Variants in NCALD observed in about 807,000 individuals in gnomAD.
The protein encoded by NCALD is neurocalcin-delta.
NCALD carries 10 observed loss-of-function variants against 18.6 expected under a neutral mutation model. The observed-to-expected ratio is 0.54, with a 90% confidence interval of 0.33 to 0.91. The LOEUF (loss-of-function observed/expected upper bound fraction) is 0.91. NCALD is among the 40% of genes least tolerant of loss of function. The pLI, the probability that NCALD is intolerant of heterozygous loss-of-function variation, is 0.03. For synonymous variants in NCALD, 88 were observed against 87.4 expected (o/e 1.01, Z -0.04); for missense variants, 184 against 247.6 (o/e 0.74, Z 1.72).
chr8:101,857,112 C>G lies in NCALD; in HGVS notation c.-20+30029G>C, dbSNP rs576607416. ...GATAATTCCAGAATTGCTTATGAAC[C>G]AAGCATTGCTACCATAAGGTTGTAT... On this transcript the variant is annotated intron_variant, in intron 4 of 6. Transcript: ENST00000311028. Among the ~76,000 whole-genome samples, 5 of 152,256 alleles carry G rather than the reference C, an allele frequency of 3.3e-5. No homozygotes were observed. The South Asian group carries it at 8.3e-4, about 25-fold the overall frequency.
chr8:101,898,740 G>T (rs1279873627), intron 3 of NCALD, among the ~76,000 whole-genome samples: 1 of 152,044 alleles, frequency 6.6e-6, no homozygotes, highest in Non-Finnish European at 1.5e-5. Flanking sequence ...TCTGTCCTAT[G>T]TATCACTCTC....
At chr8:101,895,313 AC>A (rs1455352521) in intron 3 of NCALD, among the ~76,000 whole-genome samples, 3 of 127,858 alleles carry the variant, frequency 2.3e-5, no homozygotes, top group African/African-American at 8.3e-5. Context: ...AAATTCAACA[AC>A]CCTTCATGCT....
At chr8:102,068,742 A>C (rs1824089665) in intron 1 of NCALD, among the ~76,000 whole-genome samples, 1 of 152,214 alleles carries the variant, frequency 6.6e-6, no homozygotes, top group Admixed American at 6.5e-5. Context: ...TTGAGGAAGA[A>C]CACAGTTATA....
intron 2 of NCALD, among the ~76,000 whole-genome samples, chr8:101,711,599 A>G (rs951189534): frequency 6.6e-6 from 1 of 151,954 alleles, no homozygotes; most frequent in African/African-American, 2.4e-5. Flanking sequence ...GCTGAAAAAG[A>G]CAGCACGAGA....
chr8:101,716,971 C>G (rs1317906773), intron 2 of NCALD, among the ~76,000 whole-genome samples: 2 of 152,144 alleles, frequency 1.3e-5, no homozygotes, highest in Non-Finnish European at 1.5e-5. Context: ...GGATTCTCCC[C>G]AACAGCCTCC....
intron 4 of NCALD, among the ~76,000 whole-genome samples, chr8:101,843,582 G>GTTTTTTTTTTTTTTTTTTTTTTTT (rs369393213): frequency 8.0e-6 from 1 of 125,138 alleles, no homozygotes; most frequent in Non-Finnish European, 1.6e-5. Context: ...TTTAAAAATT[G>GTTTTTTTTTTTTTTTTTTTTTTTT]TTTTTTTTTT....
chr8:101,938,285 AT>A (rs1321013275), intron 2 of NCALD, among the ~76,000 whole-genome samples: 1 of 152,194 alleles, frequency 6.6e-6, no homozygotes, highest in Non-Finnish European at 1.5e-5. Flanking sequence ...TTAAAAACTC[AT>A]TTTATGTGCT....
chr8:101,908,836 G>T (rs1281263580), intron 3 of NCALD, among the ~76,000 whole-genome samples: 4 of 152,130 alleles, frequency 2.6e-5, no homozygotes, highest in Non-Finnish European at 5.9e-5. Context: ...CAAAAATTTA[G>T]GGAAGGTCAT....
chr8:101,904,249 T>C (rs986225414), intron 3 of NCALD, among the ~76,000 whole-genome samples: 5 of 152,146 alleles, frequency 3.3e-5, no homozygotes, highest in African/African-American at 1.2e-4. Flanking sequence ...ATCAAATCTG[T>C]CCTGTGCAAT....
At chr8:101,999,957 G>C (rs187841943) in intron 2 of NCALD, among the ~76,000 whole-genome samples, 2 of 152,274 alleles carry the variant, frequency 1.3e-5, no homozygotes, top group South Asian at 2.1e-4. Flanking sequence ...CCCTGCATGA[G>C]CGACGCAGAA....
At chr8:101,721,673 T>C (rs1255091763) in intron 1 of NCALD, among the ~76,000 whole-genome samples, 1 of 152,138 alleles carries the variant, frequency 6.6e-6, no homozygotes, top group Admixed American at 6.5e-5. Flanking sequence ...ATGGTTCAGA[T>C]AATGACCAGC....
intron 2 of NCALD, among the ~76,000 whole-genome samples, chr8:101,716,494 AAAAT>A (rs1816093140): frequency 6.6e-6 from 1 of 152,222 alleles, no homozygotes; most frequent in East Asian, 1.9e-4. Flanking sequence ...AAATTATAAA[AAAAT>A]AAACACATGA....
At chr8:102,005,671 T>C (rs1821673720) in intron 2 of NCALD, among the ~76,000 whole-genome samples, 1 of 152,032 alleles carries the variant, frequency 6.6e-6, no homozygotes, top group African/African-American at 2.4e-5. Flanking sequence ...ATGTGGCACA[T>C]ATACACCATG....
intron 3 of NCALD, among the ~76,000 whole-genome samples, chr8:101,894,094 T>C (rs1323913241): frequency 8.2e-5 from 12 of 145,866 alleles, no homozygotes; most frequent in South Asian, 2.1e-4. Flanking sequence ...TATTCCAAAA[T>C]TGACCACATA....
rs183709041 is a variant in NCALD, at chr8:101,905,064, A to G, written c.-107+10745T>C. Reference sequence around the variant, plus strand: ...TTTATATTGCATGGAACATTCTTACACTAAAATTTTATTCTTTGTTGATCT... The same window carrying G: ...TTTATATTGCATGGAACATTCTTACGCTAAAATTTTATTCTTTGTTGATCT... On this transcript the variant is annotated intron_variant, in intron 3 of 6. Coordinates refer to the NCALD transcript ENST00000311028. Among the ~76,000 whole-genome samples the G allele has an allele frequency of 1.4e-3, 209 of 152,276 alleles. 2 individuals are homozygous for G. Among genetic ancestry groups the G allele is most frequent in the South Asian group, 6.0e-3 (29 of 4,814 alleles).
chr8:101,922,050 T>A (rs1818184887), intron 2 of NCALD, among the ~76,000 whole-genome samples: 1 of 151,906 alleles, frequency 6.6e-6, no homozygotes, highest in Non-Finnish European at 1.5e-5. Context: ...TTCAAGCAAT[T>A]CTCCTGCCTC....
At chr8:102,018,588 G>A (rs1822168741) in intron 2 of NCALD, among the ~76,000 whole-genome samples, 1 of 152,196 alleles carries the variant, frequency 6.6e-6, no homozygotes, top group Non-Finnish European at 1.5e-5. Context: ...GCTAGAGGTA[G>A]AGGGAGTAGA....
chr8:102,075,915 G>A (rs914881680), intron 1 of NCALD, among the ~76,000 whole-genome samples: 5 of 150,986 alleles, frequency 3.3e-5, no homozygotes, highest in African/African-American at 1.2e-4. Flanking sequence ...TTCCACCGTG[G>A]CACTCCAGCC....
chr8:101,985,862 T>C (rs991199752), intron 2 of NCALD, among the ~76,000 whole-genome samples: 3 of 152,194 alleles, frequency 2.0e-5, no homozygotes, highest in Admixed American at 1.3e-4. Context: ...GGAGTAAGGG[T>C]TGGAACTTGG....
Sources: gnomAD v4.1 joint callset for allele counts (sites outside exome capture counted in the v4.1 genomes callset) on GRCh38, gnomAD v4.1.1 for gene constraint, MANE v1.5 for transcripts, NCBI Gene and HGNC (gene_info 2026-07-23, HGNC 2026-07-21) for gene names.